GLIPR2: variants seen among roughly 807,000 people sequenced by gnomAD.
GLIPR2 encodes the protein GLI pathogenesis related 2.
A neutral mutation model predicts 20.4 loss-of-function variants in GLIPR2; 21 were observed. That is an observed-to-expected ratio of 1.03 (90% CI 0.73 to 1.48). GLIPR2 has a LOEUF of 1.48. Ranked by LOEUF, GLIPR2 falls within the 40% of genes most tolerant of loss-of-function variation. The pLI, the probability that GLIPR2 is intolerant of heterozygous loss-of-function variation, is 0.00. For missense variants in GLIPR2, 205 were observed against 200.1 expected (o/e 1.02, Z -0.15); for synonymous variants, 91 against 80.5 (o/e 1.13, Z -0.70).
At chr9:36,156,260 G>T (rs11787892) in intron 4 of GLIPR2, among the ~76,000 whole-genome samples, 1 of 151,242 alleles carries the variant, frequency 6.6e-6, no homozygotes. Context: ...GTAGTGGCAC[G>T]TGCCTGTGGT....
Position 36,136,982 on chromosome 9 carries a change from C to A in GLIPR2, c.13+191C>A. 3.4e-6 allele frequency: 2 copies of A among 586,114 alleles called. No individual in the cohort carries two copies. Among genetic ancestry groups the A allele is most frequent in the Non-Finnish European group, 5.0e-6 (2 of 399,952 alleles). The allele number at this position is 586,114 out of a possible 1,614,324, so 36.3% of individuals were successfully genotyped here. The stretch of plus-strand genomic sequence containing the variant: ...GGGGGGAAGGCGAGCCCGAGGGAGG[C>A]CCCCGCCGGAGAGCCGGGGATCGCG... On this transcript the variant is annotated intron_variant, in intron 1 of 4. Coordinates refer to ENST00000377960, the MANE Select transcript of GLIPR2 (RefSeq NM_022343.4). The surrounding 1 kb of genome is among the most constrained non-coding windows in gnomAD (Gnocchi z 4.3).
chr9:36,155,613 G>A (rs550560832), intron 4 of GLIPR2, among the ~76,000 whole-genome samples: 2 of 152,040 alleles, frequency 1.3e-5, no homozygotes, highest in Non-Finnish European at 2.9e-5. Flanking sequence ...GTTTTAAATG[G>A]AGTTTAACTA....
chr9:36,151,151 C>T (rs1325948420), intron 4 of GLIPR2: 1 of 582,176 alleles, frequency 1.7e-6, no homozygotes, highest in Non-Finnish European at 3.1e-6. Flanking sequence ...ATGCTACATG[C>T]TCTGCTCCCT....
chr9:36,157,050 A>C (rs1474802928), intron 4 of GLIPR2, among the ~76,000 whole-genome samples: 1 of 151,800 alleles, frequency 6.6e-6, no homozygotes, highest in Non-Finnish European at 1.5e-5. Context: ...GGAGTCTCAC[A>C]CTGTTGCCCG....
At chr9:36,151,525 C>T (rs1466978106) in intron 4 of GLIPR2, among the ~76,000 whole-genome samples, 1 of 152,126 alleles carries the variant, frequency 6.6e-6, no homozygotes, top group Non-Finnish European at 1.5e-5. Context: ...GCTTGGGGTG[C>T]AGAGAACCTG....
At position 36,162,941 on chromosome 9, in the gene GLIPR2, A is replaced by C; in HGVS notation, c.*419A>C. ...ATGCGTCGTAATCTACTTTTGGTAG[A>C]TAATTAAGATTATTAAACCCTCATT... On this transcript the variant is annotated 3_prime_UTR_variant, in exon 5 of 5. Transcript: ENST00000377960. 2.2e-6 allele frequency: 1 copy of C among 453,576 alleles called. No individual in the cohort carries two copies. Among genetic ancestry groups the C allele is most frequent in the Non-Finnish European group, 4.4e-6 (1 of 226,666 alleles). The allele number at this position is 453,576 out of a possible 1,614,324, so 28.1% of individuals were successfully genotyped here. A position where few individuals can be genotyped will look rare whatever the true frequency, so the allele number is the denominator to read the frequency against.
At chr9:36,138,855 T>C (rs531219852) in intron 1 of GLIPR2, among the ~76,000 whole-genome samples, 1 of 152,254 alleles carries the variant, frequency 6.6e-6, no homozygotes, top group African/African-American at 2.4e-5. Context: ...CGAGGGTTCC[T>C]GGAGGAGATG....
chr9:36,146,656 G>A (rs1045942523), intron 1 of GLIPR2, among the ~76,000 whole-genome samples: 1 of 152,210 alleles, frequency 6.6e-6, no homozygotes, highest in African/African-American at 2.4e-5. Context: ...GGGAGAAATA[G>A]GAAAGAAAGT....
In GLIPR2 at chr9:36,150,939, C is replaced by T. The variant is rs773792856; in HGVS notation, c.294C>T (p.Thr98=). 1.2e-6 allele frequency: 2 copies of T among 1,613,102 alleles called. No homozygotes were observed. Among genetic ancestry groups the T allele is most frequent in the African/African-American group, 2.7e-5 (2 of 74,894 alleles). ...KNYNFQQPGF[T]SGTGHFTAMV... is the part of the protein sequence containing the mutation. ...ATAACTTCCAGCAGCCTGGCTTCAC[C>T]TCGGGGACTGGTGAGTGGCAGGGTC... Residue 98 remains threonine (T), a synonymous_variant, in exon 4 of 5, where the codon ACC becomes ACT. Transcript: ENST00000377960.
At chr9:36,149,175 G>A (rs112964119) in intron 3 of GLIPR2, among the ~76,000 whole-genome samples, 2,706 of 152,284 alleles carry the variant, frequency 0.018, 91 homozygotes, top group African/African-American at 0.062. Flanking sequence ...GCAAGGTCTC[G>A]ATCTGGAATG....
chr9:36,152,425 T>C (rs895119728), intron 4 of GLIPR2, among the ~76,000 whole-genome samples: 1 of 152,158 alleles, frequency 6.6e-6, no homozygotes, highest in Non-Finnish European at 1.5e-5. Context: ...GCACTCTGCG[T>C]GTGTGTGTGC....
At chr9:36,158,352 T>G (rs1825925373) in intron 4 of GLIPR2, among the ~76,000 whole-genome samples, 1 of 152,212 alleles carries the variant, frequency 6.6e-6, no homozygotes, top group South Asian at 2.1e-4. Context: ...TTGCCAAAAC[T>G]TGTTATGTTC....
chr9:36,162,823 T>C lies in GLIPR2; in HGVS notation c.*301T>C. The C allele has an allele frequency of 2.1e-6, 1 of 478,690 alleles. No individual in the cohort carries two copies. The highest frequency in any genetic ancestry group is 5.1e-5 in the East Asian group (1 of 19,506). The allele number at this position is 478,690 out of a possible 1,614,324, so 29.7% of individuals were successfully genotyped here. A position where few individuals can be genotyped will look rare whatever the true frequency, so the allele number is the denominator to read the frequency against. On this transcript the variant is annotated 3_prime_UTR_variant, in exon 5 of 5. Transcript: ENST00000377960. ...TTGTTATTTCTAAGCAAACCTCTTT[T>C]GTACTTTTCTTACTTCTAATATCCA...
intron 4 of GLIPR2, among the ~76,000 whole-genome samples, chr9:36,153,237 A>G (rs924173916): frequency 6.6e-6 from 1 of 152,102 alleles, no homozygotes; most frequent in Non-Finnish European, 1.5e-5. Flanking sequence ...CCCTGATCTG[A>G]TGCTTTTTCC....
rs995712340 is a variant in GLIPR2, at chr9:36,163,602, A to C, written c.*1080A>C. 8 of 152,982 alleles carry C rather than the reference A, an allele frequency of 5.2e-5. No homozygotes were observed. The highest frequency in any genetic ancestry group is 1.7e-4 in the African/African-American group (7 of 41,486). The allele number at this position is 152,982 out of a possible 1,614,324, so 9.5% of individuals were successfully genotyped here. A position where few individuals can be genotyped will look rare whatever the true frequency, so the allele number is the denominator to read the frequency against. ...CGGGGCAGGGGGCTTAGAAGTGCTA[A>C]TATGGTTCTGTGTTTTGCCTGAAAC... is the stretch of plus-strand genomic sequence containing the variant. On this transcript the variant is annotated 3_prime_UTR_variant, in exon 5 of 5. Transcript: ENST00000377960.
chr9:36,159,041 G>C (rs1233400794), intron 4 of GLIPR2, among the ~76,000 whole-genome samples: 1 of 152,108 alleles, frequency 6.6e-6, no homozygotes, highest in East Asian at 1.9e-4. Flanking sequence ...CTCCAGCCTA[G>C]ACAACAGAGA....
chr9:36,137,168 A>G (rs1284903075), intron 1 of GLIPR2, among the ~76,000 whole-genome samples: 1 of 152,084 alleles, frequency 6.6e-6, no homozygotes, highest in African/African-American at 2.4e-5. Flanking sequence ...TGTCCCGAGG[A>G]CAGCCCTGAG....
chr9:36,138,913 C>G (rs190603454), intron 1 of GLIPR2, among the ~76,000 whole-genome samples: 7 of 152,146 alleles, frequency 4.6e-5, no homozygotes, highest in Non-Finnish European at 8.8e-5. Context: ...CTTATGGAAC[C>G]TGGGGTGCCA....
chr9:36,153,122 CAAAAAAAAAA>C lies in GLIPR2; in HGVS notation c.304+2184_304+2193del, dbSNP rs755775246. 1.1e-4 allele frequency among the ~76,000 whole-genome samples: 10 copies of C among 88,434 alleles called. No homozygotes were observed. The South Asian group carries it at 3.3e-3, about 29-fold the overall frequency. 58.0% of individuals were successfully genotyped at this position (88,434 alleles called of 152,430 possible). On this transcript the variant is annotated intron_variant, in intron 4 of 4. Transcript: ENST00000377960. ...GGGCAACAAGGGCGAGACTCTGTCT[CAAAAAAAAAA>C]AAAAAAAAAAGAAAGTAGGGCTTTA...
Sources: gnomAD v4.1 joint callset for allele counts (sites outside exome capture counted in the v4.1 genomes callset) on GRCh38, gnomAD v4.1.1 for gene constraint, Gnocchi (gnomAD v3.1) non-coding constraint, MANE v1.5 for transcripts, NCBI Gene and HGNC (gene_info 2026-07-23, HGNC 2026-07-21) for gene names.